MAGI2: variants seen among roughly 807,000 people sequenced by gnomAD.
MAGI2 encodes membrane associated guanylate kinase, WW and PDZ domain containing 2, also known as membrane-associated guanylate kinase, WW and PDZ domain-containing protein 2.
Under a neutral mutation model 133.3 loss-of-function variants are expected in MAGI2, and 35 were observed. That is an observed-to-expected ratio of 0.26 (90% CI 0.20 to 0.35). The LOEUF is 0.35. Among genes scored for constraint, MAGI2 ranks in the 10% least tolerant of loss-of-function variants. The probability of loss-of-function intolerance (pLI) is 1.00; values close to 1 mark genes in which losing one functional copy is unlikely to be tolerated. For missense variants in MAGI2, 1,636 were observed against 1,863.4 expected (o/e 0.88, Z 2.25); for synonymous variants, 729 against 710.6 (o/e 1.03, Z -0.41).
At chr7:78,673,552 A>T (rs1018062821) in intron 2 of MAGI2, among the ~76,000 whole-genome samples, 1 of 152,050 alleles carries the variant, frequency 6.6e-6, no homozygotes, top group Non-Finnish European at 1.5e-5. Flanking sequence ...CAGCTTAATG[A>T]CAAAGGCCAA....
intron 4 of MAGI2, among the ~76,000 whole-genome samples, chr7:78,514,581 T>A (rs370671333): frequency 7.9e-5 from 12 of 152,178 alleles, no homozygotes; most frequent in African/African-American, 2.6e-4. Context: ...AAGATAAATA[T>A]CTGGGTAGAT....
At chr7:78,476,677 A>C (rs187315412) in intron 6 of MAGI2, among the ~76,000 whole-genome samples, 1 of 152,092 alleles carries the variant, frequency 6.6e-6, no homozygotes, top group African/African-American at 2.4e-5. Flanking sequence ...CTTTATGTTC[A>C]AGGAGTTCCC....
At chr7:78,689,035 T>G (rs1278388674) in intron 2 of MAGI2, among the ~76,000 whole-genome samples, 1 of 152,188 alleles carries the variant, frequency 6.6e-6, no homozygotes. Flanking sequence ...ACACTGTCAA[T>G]TGGAGTTTTC....
intron 2 of MAGI2, among the ~76,000 whole-genome samples, chr7:78,814,289 A>T (rs1476605833): frequency 6.6e-6 from 1 of 152,216 alleles, no homozygotes. Flanking sequence ...TGTAAATTAT[A>T]GCACTACAGC....
At chr7:79,140,799 G>T (rs1381896816) in intron 1 of MAGI2, among the ~76,000 whole-genome samples, 2 of 152,072 alleles carry the variant, frequency 1.3e-5, no homozygotes, top group Non-Finnish European at 2.9e-5. Context: ...AAAGTTCAAA[G>T]AAATGACACA....
At chr7:78,437,291 A>G (rs1160887108) in intron 6 of MAGI2, among the ~76,000 whole-genome samples, 1 of 152,150 alleles carries the variant, frequency 6.6e-6, no homozygotes, top group Middle Eastern at 3.2e-3. Context: ...AGCTCCTTTC[A>G]ATAGACAAGG....
chr7:78,120,787 G>T (rs1420040842), intron 20 of MAGI2, among the ~76,000 whole-genome samples: 1 of 151,452 alleles, frequency 6.6e-6, no homozygotes, highest in Non-Finnish European at 1.5e-5. Context: ...GGATCACGAG[G>T]TCAGGAGATC....
At chr7:78,366,860 G>A (rs1026567081) in intron 7 of MAGI2, among the ~76,000 whole-genome samples, 3 of 152,028 alleles carry the variant, frequency 2.0e-5, no homozygotes, top group Non-Finnish European at 2.9e-5. Context: ...ATCATGTAAT[G>A]GGGACAAGAC....
chr7:78,274,989 G>T (rs1293234368), intron 9 of MAGI2, among the ~76,000 whole-genome samples: 1 of 144,140 alleles, frequency 6.9e-6, no homozygotes, highest in African/African-American at 2.5e-5. Flanking sequence ...TTCCACTGGG[G>T]TATGAAAAAA....
At chr7:79,215,670 C>T (rs767424913) in intron 1 of MAGI2, among the ~76,000 whole-genome samples, 1 of 151,874 alleles carries the variant, frequency 6.6e-6, no homozygotes, top group African/African-American at 2.4e-5. Flanking sequence ...TTGAGTTGTC[C>T]CCTATTTCTG....
At chr7:78,951,439 C>T (rs1232918131) in intron 2 of MAGI2, among the ~76,000 whole-genome samples, 1 of 152,136 alleles carries the variant, frequency 6.6e-6, no homozygotes, top group African/African-American at 2.4e-5. Flanking sequence ...GAAGCAAATA[C>T]ATCCTTCTTC....
intron 2 of MAGI2, among the ~76,000 whole-genome samples, chr7:78,992,962 T>C (rs1461369740): frequency 6.6e-6 from 1 of 152,096 alleles, no homozygotes; most frequent in Non-Finnish European, 1.5e-5. Flanking sequence ...AATTATGTTC[T>C]GAAAGCAATT....
In MAGI2 at chr7:79,007,087, C is replaced by T; in HGVS notation, c.418+3G>A. 6.3e-7 allele frequency: 1 copy of T among 1,589,380 alleles called. No homozygotes were observed. The highest frequency in any genetic ancestry group is 8.6e-7 in the Non-Finnish European group (1 of 1,163,260). Reference sequence around the variant, plus strand: ...AAATATTAATACTGCCCATTGTACTCACATGGCACCGTGCGGAGGTAGAGG... The same window carrying T: ...AAATATTAATACTGCCCATTGTACTTACATGGCACCGTGCGGAGGTAGAGG... On this transcript the variant is annotated splice_donor_region_variant and intron_variant, in intron 2 of 21. Coordinates refer to ENST00000354212, the MANE Select transcript of MAGI2 (RefSeq NM_012301.4).
intron 21 of MAGI2, among the ~76,000 whole-genome samples, chr7:78,035,737 G>A (rs1251235674): frequency 7.0e-6 from 1 of 142,880 alleles, no homozygotes; most frequent in East Asian, 2.0e-4. Context: ...ATCTAATCAT[G>A]GCCTGAATGT....
At chr7:78,278,772 C>G (rs1795284822) in intron 9 of MAGI2, among the ~76,000 whole-genome samples, 1 of 152,116 alleles carries the variant, frequency 6.6e-6, no homozygotes. Context: ...AGCATCAGTT[C>G]CTGTCCAAGA....
At chr7:79,168,285 T>C (rs990540694) in intron 1 of MAGI2, among the ~76,000 whole-genome samples, 1 of 152,086 alleles carries the variant, frequency 6.6e-6, no homozygotes, top group Non-Finnish European at 1.5e-5. Flanking sequence ...GCACACCACC[T>C]AGATTCTTCA....
chr7:78,103,550 A>C (rs1203177051), intron 20 of MAGI2, among the ~76,000 whole-genome samples: 2 of 152,240 alleles, frequency 1.3e-5, no homozygotes, highest in Non-Finnish European at 2.9e-5. Flanking sequence ...TCTGCAAGGT[A>C]GGTATGCATT....
chr7:78,670,963 A>T (rs576364704), intron 2 of MAGI2, among the ~76,000 whole-genome samples: 1 of 152,220 alleles, frequency 6.6e-6, no homozygotes, highest in Non-Finnish European at 1.5e-5. Context: ...GCCAAAGCCA[A>T]CTCGAAAATA....
intron 10 of MAGI2, among the ~76,000 whole-genome samples, chr7:78,228,141 GTAT>G (rs1789597081): frequency 6.6e-6 from 1 of 152,136 alleles, no homozygotes; most frequent in South Asian, 2.1e-4. Context: ...TTACAAAAGA[GTAT>G]TCTTCTTTTA....
Sources: gnomAD v4.1 joint callset for allele counts (sites outside exome capture counted in the v4.1 genomes callset) on GRCh38, gnomAD v4.1.1 for gene constraint, MANE v1.5 for transcripts, NCBI Gene and HGNC (gene_info 2026-07-23, HGNC 2026-07-21) for gene names.